PDXDC1: variants seen among roughly 807,000 people sequenced by gnomAD.
PDXDC1 encodes the protein pyridoxal dependent decarboxylase domain containing 1, also known as pyridoxal-dependent decarboxylase domain-containing protein 1.
A neutral mutation model predicts 100.1 loss-of-function variants in PDXDC1; 42 were observed. The ratio of observed to expected loss-of-function variants is 0.42; its 90% CI spans 0.33 to 0.54. PDXDC1 has a LOEUF of 0.54. Ranked by LOEUF, PDXDC1 falls within the 20% of genes least tolerant of loss-of-function variation. The probability of loss-of-function intolerance (pLI) is 0.10; values close to 1 mark genes in which losing one functional copy is unlikely to be tolerated. For synonymous variants in PDXDC1, 260 were observed against 371.7 expected (o/e 0.70, Z 3.46); for missense variants, 636 against 979.2 (o/e 0.65, Z 4.68).
At chr16:15,005,559 A>G (rs1289913381) in intron 5 of PDXDC1, among the ~76,000 whole-genome samples, 1 of 152,262 alleles carries the variant, frequency 6.6e-6, no homozygotes, top group Non-Finnish European at 1.5e-5. Flanking sequence ...GCCAAGCAGG[A>G]GTATAAGTTT....
intron 3 of PDXDC1, among the ~76,000 whole-genome samples, chr16:14,999,887 G>T (rs1183530030): frequency 6.6e-6 from 1 of 152,188 alleles, no homozygotes; most frequent in Non-Finnish European, 1.5e-5. Flanking sequence ...CCAGGAAACT[G>T]CACATAAGTA....
At chr16:15,066,640 A>C (rs556250750) in intron 16 of PDXDC1, among the ~76,000 whole-genome samples, 1 of 151,236 alleles carries the variant, frequency 6.6e-6, no homozygotes, top group Non-Finnish European at 1.5e-5. Context: ...CTCAAATAAA[A>C]AAAAAAAAAA....
intron 16 of PDXDC1, chr16:15,133,631 T>C (rs1303314998): frequency 6.1e-6 from 8 of 1,305,316 alleles, no homozygotes; most frequent in African/African-American, 1.5e-5. Context: ...CTCCTCGCAG[T>C]GGCCCTGGCG....
intron 3 of PDXDC1, among the ~76,000 whole-genome samples, chr16:15,001,225 A>G (rs904871337): frequency 2.0e-5 from 3 of 152,278 alleles, no homozygotes; most frequent in African/African-American, 7.2e-5. Context: ...GTGGTGGCTC[A>G]TGCCTGTAAT....
At chr16:14,997,043 G>A (rs1368581221) in intron 1 of PDXDC1, among the ~76,000 whole-genome samples, 1 of 152,142 alleles carries the variant, frequency 6.6e-6, no homozygotes, top group East Asian at 1.9e-4. Flanking sequence ...GGGACCTTGT[G>A]GTTACCCCCA....
At position 15,031,832 on chromosome 16, in the gene PDXDC1, C is replaced by T; in HGVS notation, c.1497C>T (p.Phe499=). 1 of 1,613,970 alleles carries T rather than the reference C, an allele frequency of 6.2e-7. No individual in the cohort carries two copies. The highest frequency in any genetic ancestry group is 8.5e-7 in the Non-Finnish European group (1 of 1,179,930). ...GTACGCTCCAGTTGCGTGAAGAGTT[C>T]AAGCAGGAAGTGGAAGCAACAGCAG... ...LCCTLQLREE[F]KQEVEATAGL... is the part of the protein sequence containing the mutation. Residue 499 remains phenylalanine, a synonymous_variant, in exon 17 of 23, where the codon TTC becomes TTT. Coordinates refer to ENST00000396410, the MANE Select transcript of PDXDC1 (RefSeq NM_015027.4).
chr16:15,152,086 G>A, the PDXDC1 span, among the ~76,000 whole-genome samples: 1 of 148,770 alleles, frequency 6.7e-6, no homozygotes, highest in Admixed American at 6.8e-5. Context: ...AGCACGTTTT[G>A]CAGTACGCCA....
intron 16 of PDXDC1, among the ~76,000 whole-genome samples, chr16:15,090,073 G>C (rs973573275): frequency 6.6e-6 from 1 of 151,906 alleles, no homozygotes; most frequent in African/African-American, 2.4e-5. Context: ...AACCAGGCAT[G>C]GTGGCGGGTG....
chr16:15,039,869 G>C, downstream of PDXDC1: 3 of 701,754 alleles, frequency 4.3e-6, no homozygotes, highest in Admixed American at 6.7e-5. Flanking sequence ...CTATAAAGAA[G>C]CTGACAGCAT....
At chr16:14,982,974 CTCT>C (rs1968342879) in intron 1 of PDXDC1, among the ~76,000 whole-genome samples, 1 of 152,388 alleles carries the variant, frequency 6.6e-6, no homozygotes, top group South Asian at 2.1e-4. Context: ...GGAGCTTTAC[CTCT>C]TGCTTTTTAT....
intron 16 of PDXDC1, among the ~76,000 whole-genome samples, chr16:15,083,323 C>G (rs528376294): frequency 1.3e-5 from 2 of 152,138 alleles, no homozygotes; most frequent in African/African-American, 4.8e-5. Context: ...CGCTTGAACC[C>G]GAGAGGCAGA....
At chr16:15,067,704 C>T (rs1026705345) in intron 16 of PDXDC1, among the ~76,000 whole-genome samples, 2 of 151,932 alleles carry the variant, frequency 1.3e-5, no homozygotes, top group African/African-American at 4.8e-5. Flanking sequence ...ATTTCCAACG[C>T]CATCAAAGTA....
At chr16:15,092,371 G>A (rs544996984) in intron 16 of PDXDC1, 5 of 659,326 alleles carry the variant, frequency 7.6e-6, no homozygotes, top group East Asian at 5.5e-5. Context: ...TTGCACTGAC[G>A]GCATCATGCT....
chr16:15,096,484 A>C (rs893983319), intron 16 of PDXDC1, among the ~76,000 whole-genome samples: 2 of 152,188 alleles, frequency 1.3e-5, no homozygotes, highest in African/African-American at 4.8e-5. Flanking sequence ...CTGAGTCTCT[A>C]TTTGGTCCTT....
chr16:15,052,148 C>T (rs751565629), intron 16 of PDXDC1, among the ~76,000 whole-genome samples: 3 of 152,092 alleles, frequency 2.0e-5, no homozygotes, highest in African/African-American at 7.2e-5. Flanking sequence ...TCTACAAGGC[C>T]GCAGTCTCTG....
intron 1 of PDXDC1, among the ~76,000 whole-genome samples, chr16:14,981,453 AG>A (rs1967965679): frequency 6.6e-6 from 1 of 152,302 alleles, no homozygotes; most frequent in African/African-American, 2.4e-5. Context: ...GCTTATCTTA[AG>A]GAAGAGTTAT....
chr16:15,112,284 C>T (rs1347960280), intron 16 of PDXDC1, among the ~76,000 whole-genome samples: 2 of 147,960 alleles, frequency 1.4e-5, no homozygotes, highest in African/African-American at 2.4e-5. Flanking sequence ...AGTGGCGCTA[C>T]CTTGGCTCAC....
In PDXDC1 at chr16:15,049,350, C is replaced by T. The variant is rs185542171; in HGVS notation, c.1399+19294C>T. The stretch of plus-strand genomic sequence containing the variant: ...GGCCTCCGCTTTTTTACCTTAGTCC[C>T]TAACCTAGTAATTTCACTTCTGGAA... On this transcript the variant is annotated intron_variant, in intron 16 of 16. Transcript: ENST00000535621. 9.9e-5 allele frequency among the ~76,000 whole-genome samples: 15 copies of T among 152,222 alleles called. No individual in the cohort carries two copies. In the East Asian group the frequency reaches 1.4e-3, roughly 14 times the overall value.
At chr16:15,148,733 A>G in the PDXDC1 span, among the ~76,000 whole-genome samples, 1 of 151,650 alleles carries the variant, frequency 6.6e-6, no homozygotes, top group East Asian at 1.9e-4. Flanking sequence ...TCCCTGTATG[A>G]TCTGGATGCA....
Sources: allele counts gnomAD v4.1 joint callset (sites outside exome capture counted in the v4.1 genomes callset), GRCh38; gene constraint gnomAD v4.1.1; transcripts MANE v1.5; gene names NCBI Gene and HGNC (gene_info 2026-07-23, HGNC 2026-07-21).